The following ZEB1 variants were observed in gnomAD, a reference collection of about 807,000 sequenced individuals.
ZEB1 encodes the protein zinc finger E-box-binding homeobox 1.
Under a neutral mutation model 84.9 loss-of-function variants are expected in ZEB1, and 21 were observed. The observed-to-expected ratio is 0.25, with a 90% CI of 0.18 to 0.36. The LOEUF (loss-of-function observed/expected upper bound fraction) is 0.36, where lower values mean the gene tolerates loss of function less well. Among genes scored for constraint, ZEB1 ranks in the 10% least tolerant of loss-of-function variants. The probability of loss-of-function intolerance (pLI) is 1.00; values close to 1 mark genes in which losing one functional copy is unlikely to be tolerated. For synonymous variants in ZEB1, 420 were observed against 471.1 expected, an observed-to-expected ratio of 0.89 and a Z score of 1.41; for missense variants, 1,104 against 1,330.2, an observed-to-expected ratio of 0.83 and a Z score of 2.65.
chr10:31,452,689 A>T (rs185564158), intron 1 of ZEB1, among the ~76,000 whole-genome samples: 12 of 141,260 alleles, frequency 8.5e-5, no homozygotes, highest in African/African-American at 3.1e-4. Context: ...CAGTGACTGT[A>T]TTTAGGATAA....
chr10:31,517,172 T>C (rs1328342363), intron 6 of ZEB1, among the ~76,000 whole-genome samples: 3 of 152,218 alleles, frequency 2.0e-5, no homozygotes, highest in East Asian at 1.9e-4. Flanking sequence ...TCCATAACTT[T>C]CTTTTCACAT....
chr10:31,465,210 G>T (rs1014086059), intron 2 of ZEB1, among the ~76,000 whole-genome samples: 2 of 151,938 alleles, frequency 1.3e-5, no homozygotes, highest in Non-Finnish European at 2.9e-5. Context: ...AAAAAACAAG[G>T]TATTAAAATA....
At position 31,420,216 on chromosome 10, in the gene ZEB1, G is replaced by A. The variant is rs767815966; in HGVS notation, c.59-40821G>A. Among the ~76,000 whole-genome samples, 74 of 152,146 alleles carry A rather than the reference G, an allele frequency of 4.9e-4. No homozygotes were observed. In the Middle Eastern group the frequency reaches 0.01, roughly 21 times the overall value. On this transcript the variant is annotated intron_variant, in intron 1 of 8. Coordinates refer to ENST00000424869, the MANE Select transcript of ZEB1 (RefSeq NM_001174096.2). ...TAATGGATTAACCTTCTATTGCTGC[G>A]TAACAAATGACAAGAAATTTAGTGA...
At chr10:31,447,886 GT>G (rs2060002067) in intron 1 of ZEB1, among the ~76,000 whole-genome samples, 1 of 152,114 alleles carries the variant, frequency 6.6e-6, no homozygotes, top group South Asian at 2.1e-4. Context: ...TGACAATTAT[GT>G]GTCTTGGAGT....
intron 2 of ZEB1, among the ~76,000 whole-genome samples, chr10:31,475,600 G>A (rs2064034891): frequency 6.6e-6 from 1 of 152,126 alleles, no homozygotes; most frequent in African/African-American, 2.4e-5. Flanking sequence ...AGACATCTCA[G>A]CAGCAACCTT....
At chr10:31,337,170 G>C (rs868109385) in intron 1 of ZEB1, among the ~76,000 whole-genome samples, 6 of 151,938 alleles carry the variant, frequency 3.9e-5, no homozygotes, top group African/African-American at 1.2e-4. Flanking sequence ...AATAATGTTC[G>C]AACAAAACAA....
At chr10:31,481,954 T>C (rs2065094642) in intron 2 of ZEB1, among the ~76,000 whole-genome samples, 1 of 152,000 alleles carries the variant, frequency 6.6e-6, no homozygotes, top group South Asian at 2.1e-4. Flanking sequence ...GTAATAATTG[T>C]TTAAAAGAAC....
Position 31,523,988 on chromosome 10 carries a change from A to G in ZEB1, c.2660A>G (p.Asp887Gly), listed in dbSNP as rs750281534. 3 of 1,613,882 alleles carry G rather than the reference A, an allele frequency of 1.9e-6. No homozygotes were observed. The highest frequency in any genetic ancestry group is 2.2e-5 in the South Asian group (2 of 91,080). ...EGVSNVEDQN[D>G]SDSTPPKKKM... ...GTATCAAATGTAGAGGATCAGAATGACTCTGATTCTACACCGCCCAAAAAG... is the reference window on the plus strand; with the variant it reads ...GTATCAAATGTAGAGGATCAGAATGGCTCTGATTCTACACCGCCCAAAAAG... Residue 887 changes from aspartate to glycine, a missense_variant, in exon 8 of 9, where the codon GAC (aspartate) becomes GGC (glycine). Around this residue, in one of 7 missense-constraint regions of ZEB1, gnomAD observed 531 missense variants for 575.2 expected, o/e 0.92. Coordinates refer to ENST00000424869, the MANE Select transcript of ZEB1 (RefSeq NM_001174096.2).
At chr10:31,345,912 G>A (rs1376800733) in intron 1 of ZEB1, among the ~76,000 whole-genome samples, 1 of 152,088 alleles carries the variant, frequency 6.6e-6, no homozygotes, top group Non-Finnish European at 1.5e-5. Context: ...ATTTTTAAAA[G>A]TCTCAGAGAA....
chr10:31,419,837 A>G (rs1158741845), intron 1 of ZEB1, among the ~76,000 whole-genome samples: 1 of 152,182 alleles, frequency 6.6e-6, no homozygotes, highest in Non-Finnish European at 1.5e-5. Context: ...CTGAATGAAT[A>G]AGTTAGGCAT....
At chr10:31,339,940 A>C (rs1427860519) in intron 1 of ZEB1, among the ~76,000 whole-genome samples, 1 of 152,044 alleles carries the variant, frequency 6.6e-6, no homozygotes, top group Admixed American at 6.6e-5. Flanking sequence ...GTCATATAAT[A>C]TATGGTATTT....
chr10:31,375,046 TACACACACACACACACACACACACAC>T (rs146271736), intron 1 of ZEB1: 2 of 132,314 alleles, frequency 1.5e-5, no homozygotes, highest in African/African-American at 5.4e-5. Context: ...ATGTTTTTCA[TACACACACACACACACACACACACAC>T]ACACACACAC....
chr10:31,445,214 T>C (rs2059599802), intron 1 of ZEB1, among the ~76,000 whole-genome samples: 2 of 147,380 alleles, frequency 1.4e-5, no homozygotes, highest in African/African-American at 5.4e-5. Context: ...TGGCTTTCTG[T>C]TTGTCTGTTG....
At chr10:31,510,568 A>C (rs2139501212) in intron 4 of ZEB1, 105 bp from the exon 5 acceptor site, 2 of 868,096 alleles carry the variant, frequency 2.3e-6, no homozygotes, top group East Asian at 5.3e-5. Flanking sequence ...ATCAAATATA[A>C]AGTGGGTAGC....
At chr10:31,438,138 A>G (rs1303329549) in intron 1 of ZEB1, among the ~76,000 whole-genome samples, 6 of 152,206 alleles carry the variant, frequency 3.9e-5, no homozygotes, top group Non-Finnish European at 8.8e-5. Flanking sequence ...TGCGCTCTCC[A>G]CGAGGCCTCC....
chr10:31,478,061 G>A (rs759109617), intron 2 of ZEB1, among the ~76,000 whole-genome samples: 21 of 151,870 alleles, frequency 1.4e-4, no homozygotes, highest in Non-Finnish European at 2.5e-4. Flanking sequence ...AAATAACAGA[G>A]TAAGCAGACA....
chr10:31,476,600 CCTAA>C (rs1218054348), intron 2 of ZEB1, among the ~76,000 whole-genome samples: 1 of 151,988 alleles, frequency 6.6e-6, no homozygotes, highest in East Asian at 1.9e-4. Context: ...AGGATACCTC[CCTAA>C]CTCTTTCTGT....
At chr10:31,493,442 A>G (rs1041757941) in intron 2 of ZEB1, among the ~76,000 whole-genome samples, 5 of 151,990 alleles carry the variant, frequency 3.3e-5, no homozygotes, top group African/African-American at 1.2e-4. Flanking sequence ...ATAAACAAAA[A>G]CCTTAGGAGC....
At chr10:31,337,471 G>A (rs986227996) in intron 1 of ZEB1, among the ~76,000 whole-genome samples, 2 of 151,620 alleles carry the variant, frequency 1.3e-5, no homozygotes. Flanking sequence ...GTAATTTATG[G>A]CTACTGATAA....
Sources: gnomAD v4.1 joint callset for allele counts (sites outside exome capture counted in the v4.1 genomes callset) on GRCh38, gnomAD v4.1.1 for gene constraint, gnomAD v4.1.1 regional missense constraint, MANE v1.5 for transcripts, NCBI Gene and HGNC (gene_info 2026-07-23, HGNC 2026-07-21) for gene names.